The following CPNE4 variants were observed in gnomAD, a reference collection of about 807,000 sequenced individuals.
The protein encoded by CPNE4 is copine-4.
In CPNE4, 25 loss-of-function variants were observed where a neutral mutation model predicts 67.9. The ratio of observed to expected loss-of-function variants is 0.37; its 90% CI spans 0.27 to 0.51. CPNE4 has a LOEUF of 0.51. Ranked by LOEUF, CPNE4 falls within the 20% of genes least tolerant of loss-of-function variation. The pLI, the probability that CPNE4 is intolerant of heterozygous loss-of-function variation, is 0.93. For synonymous variants in CPNE4, 242 were observed against 244.9 expected, an observed-to-expected ratio of 0.99 and a Z score of 0.11; for missense variants, 464 against 690.8, an observed-to-expected ratio of 0.67 and a Z score of 3.68.
intron 2 of CPNE4, among the ~76,000 whole-genome samples, chr3:131,848,979 A>C (rs924818913): frequency 1.0e-3 from 144 of 144,564 alleles, no homozygotes; most frequent in African/African-American, 3.2e-3. Context: ...AAAAAAAAAA[A>C]AAACACAGAG....
chr3:131,907,037 G>A (rs1169254253), intron 1 of CPNE4, among the ~76,000 whole-genome samples: 1 of 152,000 alleles, frequency 6.6e-6, no homozygotes, highest in African/African-American at 2.4e-5. Flanking sequence ...CCATCAAAAA[G>A]GGGGGGAAGG....
At chr3:131,977,692 T>C (rs530061901) in intron 1 of CPNE4, among the ~76,000 whole-genome samples, 14 of 152,218 alleles carry the variant, frequency 9.2e-5, no homozygotes, top group Non-Finnish European at 1.3e-4. Flanking sequence ...TTATTAAAAA[T>C]ATTTTTTCAT....
At chr3:131,942,988 A>G (rs150744835) in intron 1 of CPNE4, among the ~76,000 whole-genome samples, 230 of 152,276 alleles carry the variant, frequency 1.5e-3, no homozygotes, top group Non-Finnish European at 2.9e-3. Flanking sequence ...TTCCACAGCC[A>G]TAAGTGAAAA....
chr3:131,733,733 T>C (rs1420905193), intron 2 of CPNE4, among the ~76,000 whole-genome samples: 1 of 152,234 alleles, frequency 6.6e-6, no homozygotes, highest in Non-Finnish European at 1.5e-5. Context: ...TGTAAAGCAA[T>C]TTTCACTTCA....
intron 2 of CPNE4, among the ~76,000 whole-genome samples, chr3:131,810,190 G>A (rs1471934885): frequency 2.6e-5 from 4 of 151,974 alleles, no homozygotes; most frequent in Non-Finnish European, 5.9e-5. Flanking sequence ...GGCAATAAAA[G>A]TAATAAACAA....
intron 2 of CPNE4, among the ~76,000 whole-genome samples, chr3:131,740,645 G>T (rs2082335097): frequency 6.6e-6 from 1 of 152,220 alleles, no homozygotes; most frequent in South Asian, 2.1e-4. Context: ...TTAGGATACT[G>T]TCTTAGCTAG....
chr3:131,931,880 CTAA>C (rs1259857291), intron 1 of CPNE4, among the ~76,000 whole-genome samples: 1 of 152,116 alleles, frequency 6.6e-6, no homozygotes, highest in East Asian at 1.9e-4. Context: ...CTCGCCAGTT[CTAA>C]TATTATATTA....
At chr3:131,656,887 G>A (rs1016135135) in intron 7 of CPNE4, among the ~76,000 whole-genome samples, 1 of 152,174 alleles carries the variant, frequency 6.6e-6, no homozygotes. Flanking sequence ...CAGAGATGGG[G>A]AGGCAATGGA....
At chr3:131,587,292 C>T (rs183177981) in intron 8 of CPNE4, among the ~76,000 whole-genome samples, 192 bp downstream of exon 8, 2 of 152,308 alleles carry the variant, frequency 1.3e-5, no homozygotes, top group Non-Finnish European at 2.9e-5. Context: ...GGGTCAGTGT[C>T]TTGTCCAAGC....
chr3:131,830,427 T>G (rs2085320898), intron 2 of CPNE4, among the ~76,000 whole-genome samples: 1 of 152,092 alleles, frequency 6.6e-6, no homozygotes, highest in African/African-American at 2.4e-5. Context: ...CTATCTCCTT[T>G]CTGACACTTC....
At chr3:131,811,390 A>G (rs1319221309) in intron 2 of CPNE4, among the ~76,000 whole-genome samples, 1 of 152,096 alleles carries the variant, frequency 6.6e-6, no homozygotes, top group Non-Finnish European at 1.5e-5. Context: ...AAAAATATAT[A>G]TATATAAAGA....
At chr3:131,945,809 C>T (rs531327394) in intron 1 of CPNE4, among the ~76,000 whole-genome samples, 270 of 152,218 alleles carry the variant, frequency 1.8e-3, no homozygotes, top group African/African-American at 6.2e-3. Flanking sequence ...GAGTCAAGTT[C>T]TATAAGGGTA....
intron 2 of CPNE4, among the ~76,000 whole-genome samples, chr3:131,870,121 A>G (rs530723699): frequency 2.2e-4 from 33 of 152,260 alleles, no homozygotes; most frequent in African/African-American, 7.7e-4. Context: ...TCAGAAGAAC[A>G]CACAGCATGG....
intron 15 of CPNE4, chr3:131,537,708 C>A: frequency 5.6e-6 from 1 of 178,624 alleles, no homozygotes; most frequent in Non-Finnish European, 1.2e-5. Context: ...TCCCTTTCCT[C>A]TTCCTTTCTA....
intron 9 of CPNE4, 65 bp from the exon 10 acceptor site, chr3:131,575,195 G>T (rs533069889): frequency 3.5e-6 from 5 of 1,412,572 alleles, no homozygotes; most frequent in Non-Finnish European, 5.0e-6. Context: ...TATATTGGAG[G>T]CCTAAAGGTT....
intron 2 of CPNE4, among the ~76,000 whole-genome samples, chr3:131,781,205 T>G (rs2083425822): frequency 6.6e-6 from 1 of 152,034 alleles, no homozygotes; most frequent in African/African-American, 2.4e-5. Context: ...TCAAACAAAG[T>G]TTCTGAGTGA....
chr3:131,534,997 A>G lies in CPNE4; in HGVS notation c.*198T>C, dbSNP rs1443274694. 12 of 414,572 alleles carry G rather than the reference A, an allele frequency of 2.9e-5. No individual in the cohort carries two copies. Among genetic ancestry groups the G allele is most frequent in the Non-Finnish European group, 4.6e-5 (11 of 237,202 alleles). 25.7% of individuals were successfully genotyped at this position (414,572 alleles called of 1,614,324 possible). A position where few individuals can be genotyped will look rare whatever the true frequency, so the allele number is the denominator to read the frequency against. On this transcript the variant is annotated 3_prime_UTR_variant, in exon 16 of 16. Transcript: ENST00000429747. ...TGTGTTTCTTTGTAAAAAGTTAACA[A>G]TACAAGGGCTTAACAGATCCAGGCC...
intron 9 of CPNE4, among the ~76,000 whole-genome samples, chr3:131,576,874 A>G (rs1937562181): frequency 6.6e-6 from 1 of 152,070 alleles, no homozygotes; most frequent in Non-Finnish European, 1.5e-5. Context: ...CTAGGGGCAT[A>G]TAAGGTGGGA....
chr3:131,799,804 T>C (rs2084025100), intron 2 of CPNE4, among the ~76,000 whole-genome samples: 1 of 152,122 alleles, frequency 6.6e-6, no homozygotes. Context: ...TGCCAGCAGT[T>C]AGAGTTATTG....
Sources: gnomAD v4.1 joint callset for allele counts (sites outside exome capture counted in the v4.1 genomes callset) on GRCh38, gnomAD v4.1.1 for gene constraint, MANE v1.5 for transcripts, NCBI Gene and HGNC (gene_info 2026-07-23, HGNC 2026-07-21) for gene names.